Variants in NTNG1 observed in about 807,000 individuals in gnomAD.
The protein encoded by NTNG1 is netrin G1, also known as netrin-G1.
A neutral mutation model predicts 54.0 loss-of-function variants in NTNG1; 16 were observed. The observed-to-expected ratio is 0.30, with a 90% confidence interval of 0.20 to 0.45. The LOEUF is 0.45. Ranked by LOEUF, NTNG1 falls within the 20% of genes least tolerant of loss-of-function variation. The pLI is 1.00. For missense variants in NTNG1, 530 were observed against 678.7 expected, an observed-to-expected ratio of 0.78 and a Z score of 2.43; for synonymous variants, 255 against 263.1, an observed-to-expected ratio of 0.97 and a Z score of 0.30.
chr1:107,225,013 G>T (rs182473117), intron 2 of NTNG1, among the ~76,000 whole-genome samples: 1 of 152,210 alleles, frequency 6.6e-6, no homozygotes, highest in Admixed American at 6.5e-5. Flanking sequence ...ATAGTACCTA[G>T]CATATGTTAA....
intron 3 of NTNG1, among the ~76,000 whole-genome samples, chr1:107,369,513 C>T (rs1173342650): frequency 2.0e-5 from 3 of 152,058 alleles, no homozygotes; most frequent in Non-Finnish European, 2.9e-5. Context: ...CATTGAACAT[C>T]TTTCATTTGC....
At chr1:107,262,415 ATTTAT>A (rs904614506) in intron 2 of NTNG1, among the ~76,000 whole-genome samples, 17 of 152,292 alleles carry the variant, frequency 1.1e-4, no homozygotes, top group African/African-American at 3.6e-4. Flanking sequence ...AAGCATAGAG[ATTTAT>A]TTTATTGTTA....
chr1:107,217,053 TC>T (rs1344573041), intron 2 of NTNG1, among the ~76,000 whole-genome samples: 1 of 152,228 alleles, frequency 6.6e-6, no homozygotes, highest in Non-Finnish European at 1.5e-5. Flanking sequence ...CCAATAGAAT[TC>T]AGCAGTAAAT....
chr1:107,430,605 G>T, intron 5 of NTNG1, 145 bp from the exon 6 acceptor site: 1 of 847,138 alleles, frequency 1.2e-6, no homozygotes, highest in East Asian at 2.4e-5. Context: ...ACAACCACCT[G>T]TTGCCACCAT....
intron 4 of NTNG1, among the ~76,000 whole-genome samples, chr1:107,402,809 G>GT (rs1673125044): frequency 6.6e-6 from 1 of 152,068 alleles, no homozygotes; most frequent in African/African-American, 2.4e-5. Context: ...TTTTTTTGGA[G>GT]TTAGAATTCC....
chr1:107,438,383 A>G (rs1675743514), intron 7 of NTNG1, among the ~76,000 whole-genome samples: 1 of 152,192 alleles, frequency 6.6e-6, no homozygotes, highest in Non-Finnish European at 1.5e-5. Context: ...AAAGTCTTGC[A>G]TGCTGTTGTT....
intron 2 of NTNG1, among the ~76,000 whole-genome samples, chr1:107,306,807 A>G (rs1666723521): frequency 6.6e-6 from 1 of 152,074 alleles, no homozygotes; most frequent in South Asian, 2.1e-4. Flanking sequence ...ATTGCCAATT[A>G]TATTTCAATT....
At chr1:107,396,020 C>T (rs1361438224) in intron 4 of NTNG1, among the ~76,000 whole-genome samples, 1 of 152,158 alleles carries the variant, frequency 6.6e-6, no homozygotes, top group Admixed American at 6.6e-5. Flanking sequence ...CCCTGATTCC[C>T]CATAGGAAAA....
intron 2 of NTNG1, among the ~76,000 whole-genome samples, chr1:107,263,488 A>T (rs1431985338): frequency 2.6e-5 from 4 of 152,198 alleles, no homozygotes; most frequent in South Asian, 2.1e-4. Flanking sequence ...TGAATAGTGA[A>T]TATGAAACAT....
At chr1:107,478,448 T>G (rs1678472903) in intron 7 of NTNG1, among the ~76,000 whole-genome samples, 2 of 152,220 alleles carry the variant, frequency 1.3e-5, no homozygotes, top group Admixed American at 1.3e-4. Context: ...GGAAAAATAT[T>G]GAATTTTAAC....
At chr1:107,218,098 T>C (rs553122367) in intron 2 of NTNG1, among the ~76,000 whole-genome samples, 19 of 152,212 alleles carry the variant, frequency 1.2e-4, no homozygotes, top group Middle Eastern at 3.4e-3. Context: ...CAATAATAGG[T>C]CTTGTAGTAA....
intron 2 of NTNG1, among the ~76,000 whole-genome samples, chr1:107,297,154 T>C (rs1295993012): frequency 7.0e-6 from 1 of 142,704 alleles, no homozygotes; most frequent in Non-Finnish European, 1.5e-5. Context: ...TATATATATA[T>C]AACATCATAT....
chr1:107,313,047 T>C (rs1340399887), intron 2 of NTNG1, among the ~76,000 whole-genome samples: 2 of 152,164 alleles, frequency 1.3e-5, no homozygotes, highest in African/African-American at 4.8e-5. Flanking sequence ...TAGCATATAA[T>C]CTTCAGACTC....
rs917478024 is a variant in NTNG1 at position 107,257,451 on chromosome 1, G to T, written c.247-66831G>T. Among the ~76,000 whole-genome samples, 3 of 152,058 alleles carry T rather than the reference G, an allele frequency of 2.0e-5. No homozygotes were observed. The South Asian group carries it at 6.2e-4, about 32-fold the overall frequency. ...CTCTTTAATATTTTGCCTCAACTTC[G>T]CAGTCAGCTCTTTGGAACTAGAGGA... On this transcript the variant is annotated intron_variant, in intron 2 of 7. Transcript: ENST00000370068.
At chr1:107,179,752 A>G (rs1448296845) in intron 2 of NTNG1, among the ~76,000 whole-genome samples, 1 of 151,262 alleles carries the variant, frequency 6.6e-6, no homozygotes, top group Non-Finnish European at 1.5e-5. Flanking sequence ...CTCACCCTCC[A>G]CCCTCCGAAA....
chr1:107,328,335 AT>A (rs1195100477), intron 3 of NTNG1, among the ~76,000 whole-genome samples: 1 of 152,128 alleles, frequency 6.6e-6, no homozygotes, highest in Non-Finnish European at 1.5e-5. Context: ...TCTCATTTTA[AT>A]TTACAGGGTA....
chr1:107,480,768 GC>G lies in NTNG1; in HGVS notation c.1553del (p.Pro518ArgfsTer10). 1 of 1,602,762 alleles carries G rather than the reference GC, an allele frequency of 6.2e-7. No individual in the cohort carries two copies. On this transcript the variant is annotated frameshift_variant, in exon 8 of 8. Coordinates refer to ENST00000370068, the MANE Select transcript of NTNG1 (RefSeq NM_001113226.3). LOFTEE classifies it high-confidence loss of function. The stretch of plus-strand genomic sequence containing the variant: ...GCGGCTCCGACTCTGGCCAGGGCGC[GC>G]CCCCGCACGGCTCCCCAGCGCTGCT... Reference protein sequence around the residue: ...SCGSDSGQGAPPHGSPALLLL... With the variant: ...SCGSDSGQGAXPHGSPALLLL...
chr1:107,219,221 G>T (rs1226957885), intron 2 of NTNG1, among the ~76,000 whole-genome samples: 4 of 151,490 alleles, frequency 2.6e-5, no homozygotes, highest in African/African-American at 9.7e-5. Flanking sequence ...ACTTTTCAGG[G>T]CATTTTGCAA....
chr1:107,324,205 T>C, intron 2 of NTNG1, 77 bp from the exon 3 acceptor site: 1 of 1,376,224 alleles, frequency 7.3e-7, no homozygotes, highest in Non-Finnish European at 1.0e-6. Context: ...TCTAGCCTCT[T>C]ACTGAGCAAC....
Sources: gnomAD v4.1 joint callset for allele counts (sites outside exome capture counted in the v4.1 genomes callset) on GRCh38, gnomAD v4.1.1 for gene constraint, MANE v1.5 for transcripts, NCBI Gene and HGNC (gene_info 2026-07-23, HGNC 2026-07-21) for gene names.